Variants in PCDHA4 observed in about 807,000 individuals in gnomAD.
PCDHA4 encodes the protein protocadherin alpha-4.
In PCDHA4, 49 loss-of-function variants were observed where a neutral mutation model predicts 61.4. The ratio of observed to expected loss-of-function variants is 0.80; its 90% confidence interval spans 0.63 to 1.01. The LOEUF (loss-of-function observed/expected upper bound fraction) is 1.01. PCDHA4 is among the 50% of genes least tolerant of loss of function. PCDHA4 has a pLI of 0.00. For synonymous variants in PCDHA4, 590 were observed against 550.3 expected (o/e 1.07, Z -1.01); for missense variants, 1,254 against 1,235.8 (o/e 1.01, Z -0.22).
chr5:140,988,866 C>T (rs1364853349), intron 3 of PCDHA4: 2 of 152,170 alleles, frequency 1.3e-5, no homozygotes, highest in Non-Finnish European at 2.9e-5. Context: ...CTCATGTGCA[C>T]TCAGATGTAC....
chr5:140,928,050 G>A (rs782229340), intron 1 of PCDHA4: 3 of 1,614,180 alleles, frequency 1.9e-6, no homozygotes, highest in Non-Finnish European at 2.5e-6. Flanking sequence ...GCCCTTTTCA[G>A]CTGACGGCTT....
intron 1 of PCDHA4, chr5:140,849,763 T>C (rs1554143274): frequency 1.3e-6 from 2 of 1,598,470 alleles, no homozygotes; most frequent in Non-Finnish European, 1.7e-6. Context: ...GCCTACGAGC[T>C]GGTGGTTACC....
intron 1 of PCDHA4, chr5:140,841,717 G>A: frequency 6.2e-7 from 1 of 1,613,924 alleles, no homozygotes; most frequent in Non-Finnish European, 8.5e-7. Flanking sequence ...ACCCGCCAGT[G>A]TTCCGGGTAA....
chr5:140,870,209 C>T (rs1174096449), intron 1 of PCDHA4: 3 of 1,614,176 alleles, frequency 1.9e-6, no homozygotes, highest in East Asian at 4.5e-5. Context: ...ACGGTCATTG[C>T]CCTGATCAGC....
chr5:140,844,101 A>G lies in PCDHA4; in HGVS notation c.2385+34529A>G, dbSNP rs981033565. Among the ~76,000 whole-genome samples, 6 of 149,238 alleles carry G rather than the reference A, an allele frequency of 4.0e-5. 1 individual carries two copies. In the South Asian group the frequency reaches 1.1e-3, roughly 26 times the overall value. On this transcript the variant is annotated intron_variant, in intron 1 of 3. Transcript: ENST00000530339. ...GGCACTGAACTCTTAATCTTACTCC[A>G]TATGCTGTACTTTGAAATGCATGTT... is the stretch of plus-strand genomic sequence containing the variant.
chr5:140,869,501 T>A (rs200485559), intron 1 of PCDHA4: 1 of 1,614,192 alleles, frequency 6.2e-7, no homozygotes, highest in Admixed American at 1.7e-5. Flanking sequence ...CCGCCGGTGT[T>A]CTCGCTCAGA....
chr5:141,011,104 C>G lies in PCDHA4; in HGVS notation c.*1167C>G, dbSNP rs1396728499. The G allele has an allele frequency of 6.5e-6, 1 of 153,844 alleles. No homozygotes were observed. Among genetic ancestry groups the G allele is most frequent in the Non-Finnish European group, 1.5e-5 (1 of 68,020 alleles). The allele number at this position is 153,844 out of a possible 1,614,324, so 9.5% of individuals were successfully genotyped here. A position where few individuals can be genotyped will look rare whatever the true frequency, so the allele number is the denominator to read the frequency against. On this transcript the variant is annotated 3_prime_UTR_variant, in exon 4 of 4. Transcript: ENST00000530339. ...GATCTCTCTTTCTCTCTCTCTCTCT[C>G]TTTTCTAAGAAACAATTATGTGCAC... is the stretch of plus-strand genomic sequence containing the variant.
intron 1 of PCDHA4, chr5:140,856,159 G>A (rs1554148275): frequency 6.3e-7 from 1 of 1,598,348 alleles, no homozygotes; most frequent in Non-Finnish European, 8.6e-7. Context: ...TCTACGAGGA[G>A]GCCAGACACG....
chr5:140,941,260 T>TCTTTCTTTCTTC (rs2092990214), intron 1 of PCDHA4, among the ~76,000 whole-genome samples: 2 of 138,280 alleles, frequency 1.4e-5, no homozygotes, highest in Admixed American at 1.5e-4. Flanking sequence ...TCTTTCTCTT[T>TCTTTCTTTCTTC]CTTTCTTTCT....
At position 140,858,879 on chromosome 5, in the gene PCDHA4, CATGTGTAGAAT is replaced by C. The variant is rs2045639159; in HGVS notation, c.2385+49316_2385+49326del. On this transcript the variant is annotated intron_variant, in intron 1 of 3. Transcript: ENST00000530339. ...TCTTCAGTGAAAATGTGTTTTCCTC[CATGTGTAGAAT>C]ATGTGTAGCGTACCACAGCTTATAC... 2.9e-5 allele frequency: 7 copies of C among 243,802 alleles called. No homozygotes were observed. In the South Asian group the frequency reaches 3.1e-4, roughly 11 times the overall value. The allele number at this position is 243,802 out of a possible 1,614,324, so 15.1% of individuals were successfully genotyped here. A position where few individuals can be genotyped will look rare whatever the true frequency, so the allele number is the denominator to read the frequency against.
chr5:140,925,320 C>T (rs1201662507), intron 1 of PCDHA4, among the ~76,000 whole-genome samples: 1 of 152,016 alleles, frequency 6.6e-6, no homozygotes, highest in Non-Finnish European at 1.5e-5. Context: ...ACATATTGCA[C>T]CTGTATTAAA....
intron 1 of PCDHA4, among the ~76,000 whole-genome samples, chr5:140,952,097 G>A (rs1385693579): frequency 1.3e-5 from 2 of 152,066 alleles, no homozygotes; most frequent in East Asian, 3.9e-4. Context: ...CACATCCAGG[G>A]CACACTCGTG....
At chr5:140,822,870 C>T in intron 1 of PCDHA4, 2 of 1,614,224 alleles carry the variant, frequency 1.2e-6, no homozygotes, top group Non-Finnish European at 8.5e-7. Context: ...CTCCACTCAG[C>T]ACGGTCATTG....
chr5:140,863,356 C>T (rs1554158132), intron 1 of PCDHA4: 1 of 1,255,152 alleles, frequency 8.0e-7, no homozygotes, highest in Non-Finnish European at 1.1e-6. Flanking sequence ...CACGACGCTG[C>T]GGTGCTTGGC....
chr5:140,954,017 T>C (rs2094968085), intron 1 of PCDHA4, among the ~76,000 whole-genome samples: 1 of 152,162 alleles, frequency 6.6e-6, no homozygotes, highest in Admixed American at 6.5e-5. Flanking sequence ...CTCCCACACA[T>C]AGTGGGACGA....
rs1554125289 is a variant in PCDHA4 at position 140,809,570 on chromosome 5, A to G, written c.2383A>G (p.Lys795Glu). 2 of 1,604,996 alleles carry G rather than the reference A, an allele frequency of 1.2e-6. No homozygotes were observed. Among genetic ancestry groups the G allele is most frequent in the East Asian group, 4.5e-5 (2 of 44,756 alleles). Residue 795 changes from lysine to glutamate, a missense_variant and splice_region_variant, in exon 1 of 4, where the codon AAG (lysine) becomes GAG (glutamate). By Grantham distance (56) the Lys-to-Glu change is moderately conservative. Transcript: ENST00000530339. ...GCAGACAACTGAGGAATCCTTTGCA[A>G]AGGTTAGTGTATAACATCCTTTTGT... Reference protein sequence around the residue: ...QLQTTEESFAKPRQPNPDWRY... With the variant: ...QLQTTEESFAEPRQPNPDWRY...
At chr5:140,962,676 G>C (rs1201696145) in intron 1 of PCDHA4, among the ~76,000 whole-genome samples, 1 of 152,126 alleles carries the variant, frequency 6.6e-6, no homozygotes, top group Non-Finnish European at 1.5e-5. Context: ...CCATCCACTG[G>C]ATGTTTTATC....
At chr5:140,827,788 C>T (rs2150149123) in intron 1 of PCDHA4, among the ~76,000 whole-genome samples, 76 of 152,218 alleles carry the variant, frequency 5.0e-4, no homozygotes, top group Admixed American at 1.5e-3. Flanking sequence ...TAACACTGAC[C>T]GTGCAAATTA....
intron 1 of PCDHA4, chr5:140,857,586 G>A: frequency 6.3e-7 from 1 of 1,596,656 alleles, no homozygotes; most frequent in Non-Finnish European, 8.6e-7. Flanking sequence ...CACGCGGAGA[G>A]CGGCAAGGTG....
Sources: gnomAD v4.1 joint callset for allele counts (sites outside exome capture counted in the v4.1 genomes callset) on GRCh38, gnomAD v4.1.1 for gene constraint, MANE v1.5 for transcripts, NCBI Gene and HGNC (gene_info 2026-07-23, HGNC 2026-07-21) for gene names.